Variants in HSD17B6 observed in about 807,000 individuals in gnomAD.
HSD17B6 encodes 17-beta-hydroxysteroid dehydrogenase type 6.
In HSD17B6, 16 loss-of-function variants were observed where a neutral mutation model predicts 26.4. The ratio of observed to expected loss-of-function variants is 0.61; its 90% CI spans 0.41 to 0.92. The LOEUF (loss-of-function observed/expected upper bound fraction) is 0.92, where lower values mean the gene tolerates loss of function less well. HSD17B6 is among the 40% of genes least tolerant of loss of function. The pLI, the probability that HSD17B6 is intolerant of heterozygous loss-of-function variation, is 0.00. For synonymous variants in HSD17B6, 139 were observed against 153.0 expected, an observed-to-expected ratio of 0.91 and a Z score of 0.68; for missense variants, 357 against 386.1, an observed-to-expected ratio of 0.92 and a Z score of 0.63.
At chr12:56,779,376 G>A (rs939640278) in intron 2 of HSD17B6, among the ~76,000 whole-genome samples, 1 of 152,108 alleles carries the variant, frequency 6.6e-6, no homozygotes, top group African/African-American at 2.4e-5. Context: ...GGTCTCAAGT[G>A]ATCTTAATGC....
chr12:56,785,821 G>A (rs553597975), intron 4 of HSD17B6: 2 of 244,906 alleles, frequency 8.2e-6, no homozygotes, highest in South Asian at 3.1e-4. Context: ...AAGCATGTAG[G>A]TGGGAAGAGG....
chr12:56,775,495 T>A (rs1187184702), intron 2 of HSD17B6, among the ~76,000 whole-genome samples: 1 of 152,228 alleles, frequency 6.6e-6, no homozygotes, highest in East Asian at 1.9e-4. Flanking sequence ...TAGGCATTTC[T>A]TGAAGTCAAT....
chr12:56,775,546 T>C (rs1201288007), intron 2 of HSD17B6, among the ~76,000 whole-genome samples: 1 of 152,216 alleles, frequency 6.6e-6, no homozygotes, highest in Non-Finnish European at 1.5e-5. Context: ...TTTCATTATA[T>C]TTAAAAATCA....
Position 56,784,909 on chromosome 12 carries a change from G to A in HSD17B6, c.629G>A (p.Arg210Lys). Residue 210 changes from arginine to lysine, a missense_variant, in exon 4 of 5, where the codon AGA (arginine) becomes AAA (lysine). By Grantham distance (26) the Arg-to-Lys change is conservative. Coordinates refer to ENST00000322165, the MANE Select transcript of HSD17B6 (RefSeq NM_003725.4). Reference sequence around the variant, plus strand: ...AGCATAGTTGAACCTGGCTACTTCAGAACGGGAATGACAAACATGACACAG... The same window carrying A: ...AGCATAGTTGAACCTGGCTACTTCAAAACGGGAATGACAAACATGACACAG... ...KISIVEPGYF[R>K]TGMTNMTQSL... 2 of 1,614,100 alleles carry A rather than the reference G, an allele frequency of 1.2e-6. No individual in the cohort carries two copies. The highest frequency in any genetic ancestry group is 1.7e-6 in the Non-Finnish European group (2 of 1,180,004).
intron 1 of HSD17B6, among the ~76,000 whole-genome samples, chr12:56,772,936 C>T (rs747733156): frequency 2.0e-4 from 31 of 151,958 alleles, no homozygotes; most frequent in Non-Finnish European, 2.9e-4. Context: ...CTCATGCAGG[C>T]GTTGTGGTAT....
chr12:56,766,438 A>G (rs1565914835), intron 1 of HSD17B6, among the ~76,000 whole-genome samples: 1 of 152,182 alleles, frequency 6.6e-6, no homozygotes, highest in Non-Finnish European at 1.5e-5. Flanking sequence ...CTGGTTCCCA[A>G]TCTCTGCATG....
intron 1 of HSD17B6, among the ~76,000 whole-genome samples, chr12:56,767,769 AT>A (rs1433893110): frequency 6.8e-6 from 1 of 146,072 alleles, no homozygotes; most frequent in Non-Finnish European, 1.5e-5. Context: ...ATGTGTATAT[AT>A]TGTGTATATT....
At chr12:56,770,902 G>T (rs1417795973) in intron 1 of HSD17B6, among the ~76,000 whole-genome samples, 1 of 152,152 alleles carries the variant, frequency 6.6e-6, no homozygotes, top group Non-Finnish European at 1.5e-5. Flanking sequence ...ATGAAACAGT[G>T]TGGCAGCCAT....
chr12:56,771,023 C>T (rs889018699), intron 1 of HSD17B6, among the ~76,000 whole-genome samples: 8 of 152,170 alleles, frequency 5.3e-5, no homozygotes, highest in South Asian at 4.1e-4. Flanking sequence ...CACTGAGGCA[C>T]GCTCCTCTTG....
intron 2 of HSD17B6, among the ~76,000 whole-genome samples, chr12:56,780,108 CT>C (rs1316138172): frequency 6.6e-6 from 1 of 152,082 alleles, no homozygotes; most frequent in African/African-American, 2.4e-5. Flanking sequence ...AATAATCTGT[CT>C]TTCCTTTCTG....
intron 2 of HSD17B6, among the ~76,000 whole-genome samples, chr12:56,778,650 G>A (rs1158483690): frequency 6.7e-6 from 1 of 149,884 alleles, no homozygotes; most frequent in African/African-American, 2.5e-5. Flanking sequence ...CAGTTACAAA[G>A]ACTTTTTACC....
chr12:56,783,090 C>CT (rs1209134499), intron 3 of HSD17B6, among the ~76,000 whole-genome samples: 4 of 152,364 alleles, frequency 2.6e-5, no homozygotes, highest in Admixed American at 6.5e-5. Flanking sequence ...TTTTCCCCAC[C>CT]TTGCCCCCTT....
At position 56,773,848 on chromosome 12, in the gene HSD17B6, T is replaced by G; in HGVS notation, c.-5T>G. 1 of 1,533,766 alleles carries G rather than the reference T, an allele frequency of 6.5e-7. No homozygotes were observed. The highest frequency in any genetic ancestry group is 8.8e-7 in the Non-Finnish European group (1 of 1,140,176). On this transcript the variant is annotated 5_prime_UTR_variant, in exon 2 of 5. Transcript: ENST00000322165. ...TCTATTGAAAGAGAAGGAAGCACCC[T>G]CACTATGTGGCTCTACCTGGCGGCC...
In HSD17B6 at chr12:56,782,076, T is replaced by C. The variant is rs930853688; in HGVS notation, c.416T>C (p.Ile139Thr). The change falls in exon 3 of 5, where the codon ATT becomes ACT. Residue 139 changes from isoleucine (I) to threonine (T), a missense_variant. By Grantham distance (89) the Ile-to-Thr change is moderately conservative (BLOSUM62 -1). Coordinates refer to ENST00000322165, the MANE Select transcript of HSD17B6 (RefSeq NM_003725.4). ...ATGAATATGCTCAAAGTGAACCTCA[T>C]TGGTGTGATCCAGGTGACCTTGAGC... ...DSMNMLKVNL[I>T]GVIQVTLSML... 3 of 1,614,066 alleles carry C rather than the reference T, an allele frequency of 1.9e-6. No homozygotes were observed. Among genetic ancestry groups the C allele is most frequent in the Admixed American group, 1.7e-5 (1 of 60,002 alleles).
At position 56,782,022 on chromosome 12, in the gene HSD17B6, T is replaced by C. The variant is rs1954725852; in HGVS notation, c.362T>C (p.Leu121Ser). 3 of 1,614,176 alleles carry C rather than the reference T, an allele frequency of 1.9e-6. No individual in the cohort carries two copies. Among genetic ancestry groups the C allele is most frequent in the Non-Finnish European group, 2.5e-6 (3 of 1,180,010 alleles). ...NNAGILTPIT[L>S]CEWLNTEDSM... ...GCAGGCATTCTTACACCAATTACCTTATGTGAGTGGCTGAACACTGAGGAC... is the reference window on the plus strand; with the variant it reads ...GCAGGCATTCTTACACCAATTACCTCATGTGAGTGGCTGAACACTGAGGAC... The change falls in exon 3 of 5, where the codon TTA becomes TCA. Residue 121 changes from leucine to serine, a missense_variant. By Grantham distance (145) the Leu-to-Ser change is moderately radical. Transcript: ENST00000322165.
chr12:56,785,052 C>G, intron 4 of HSD17B6, 36 bp downstream of exon 4: 1 of 1,576,612 alleles, frequency 6.3e-7, no homozygotes, highest in Non-Finnish European at 8.6e-7. Flanking sequence ...TAATGGGTAC[C>G]CTGTATTAGT....
intron 4 of HSD17B6, chr12:56,785,880 A>C (rs1159392210): frequency 2.3e-6 from 2 of 882,086 alleles, no homozygotes; most frequent in African/African-American, 1.8e-5. Flanking sequence ...CCATTCCCTG[A>C]GGCTATATTT....
At chr12:56,784,643 G>A (rs1445926792) in intron 3 of HSD17B6, among the ~76,000 whole-genome samples, 1 of 152,184 alleles carries the variant, frequency 6.6e-6, no homozygotes, top group Admixed American at 6.5e-5. Flanking sequence ...TCCAGCTTCC[G>A]CTCGGCATCA....
At chr12:56,763,577 T>G (rs1254423777) in intron 1 of HSD17B6, among the ~76,000 whole-genome samples, 163 bp downstream of exon 1, 2 of 151,930 alleles carry the variant, frequency 1.3e-5, no homozygotes, top group African/African-American at 2.4e-5. Context: ...TGAAAGAAAT[T>G]TTGTCACGAT....
Sources: gnomAD v4.1 joint callset for allele counts (sites outside exome capture counted in the v4.1 genomes callset) on GRCh38, gnomAD v4.1.1 for gene constraint, MANE v1.5 for transcripts, NCBI Gene and HGNC (gene_info 2026-07-23, HGNC 2026-07-21) for gene names.